EFEMP1: variants seen among roughly 807,000 people sequenced by gnomAD.
EFEMP1 encodes EGF-like fibulin extracellular matrix protein 1, also known as EGF-containing fibulin-like extracellular matrix protein 1.
In EFEMP1, 18 loss-of-function variants were observed where a neutral mutation model predicts 65.7. That is an observed-to-expected ratio of 0.27 (90% confidence interval 0.19 to 0.41). The LOEUF is 0.41. EFEMP1 is among the 10% of genes least tolerant of loss of function. EFEMP1 has a pLI of 1.00. For missense variants in EFEMP1, 469 were observed against 624.8 expected, an observed-to-expected ratio of 0.75 and a Z score of 2.66; for synonymous variants, 237 against 219.7, an observed-to-expected ratio of 1.08 and a Z score of -0.70.
rs1319362387 is a variant in EFEMP1 at position 55,917,623 on chromosome 2, G to A, written c.517+42C>T. The A allele has an allele frequency of 6.2e-7, 1 of 1,613,600 alleles. No individual in the cohort carries two copies. Among genetic ancestry groups the A allele is most frequent in the Non-Finnish European group, 8.5e-7 (1 of 1,179,680 alleles). ...ATCATCCTCACCACGAGGTGCACTT[G>A]GGCAAAAGCTTTCAATGGTTAGGAA... On this transcript the variant is annotated intron_variant, in intron 5 of 11. Coordinates refer to ENST00000355426, the MANE Select transcript of EFEMP1 (RefSeq NM_001039348.3). The surrounding 1 kb of genome is among the most constrained non-coding windows in gnomAD (Gnocchi z 6.3).
chr2:55,867,218 C>G lies in EFEMP1; in HGVS notation c.1337G>C (p.Ser446Thr). ...TGACTTCACGAGCACAAGCATTGCA[C>G]TTACAGGACTTGTTTGCTAAAATAA... ...EFYLRQTSPV[S>T]AMLVLVKSLS... Residue 446 changes from serine to threonine, a missense_variant, in exon 12 of 12, where the codon AGT becomes ACT. Transcript: ENST00000355426. The surrounding 1 kb of genome is among the most constrained non-coding windows in gnomAD (Gnocchi z 4.3). 2 of 1,613,858 alleles carry G rather than the reference C, an allele frequency of 1.2e-6. No individual in the cohort carries two copies.
chr2:55,874,729 A>T (rs1268358023), intron 9 of EFEMP1, among the ~76,000 whole-genome samples: 1 of 152,028 alleles, frequency 6.6e-6, no homozygotes, highest in Non-Finnish European at 1.5e-5. Context: ...TATTTTATTA[A>T]AATTATTTAT....
chr2:55,923,108 C>T lies in EFEMP1; in HGVS notation c.-48-169G>A, dbSNP rs1463854544. ...ACAAACTCTCAAAGTGGCATTTCCA[C>T]GCCTTTCTCTGCGCACAGCTTTGTT... is the stretch of plus-strand genomic sequence containing the variant. On this transcript the variant is annotated intron_variant, in intron 1 of 11. Coordinates refer to ENST00000355426, the MANE Select transcript of EFEMP1 (RefSeq NM_001039348.3). The surrounding 1 kb of genome is among the most constrained non-coding windows in gnomAD (Gnocchi z 5.3). 1.3e-5 allele frequency among the ~76,000 whole-genome samples: 2 copies of T among 152,240 alleles called. No individual in the cohort carries two copies. Among genetic ancestry groups the T allele is most frequent in the Admixed American group, 6.5e-5 (1 of 15,284 alleles).
intron 5 of EFEMP1, among the ~76,000 whole-genome samples, chr2:55,882,482 T>TA (rs1669275855): frequency 2.6e-5 from 4 of 152,142 alleles, no homozygotes; most frequent in Admixed American, 2.6e-4. Context: ...TCTAGAAAAG[T>TA]AAAAAATGCT....
At chr2:55,911,500 A>G (rs1670481534) in intron 5 of EFEMP1, among the ~76,000 whole-genome samples, 1 of 151,956 alleles carries the variant, frequency 6.6e-6, no homozygotes, top group Non-Finnish European at 1.5e-5. Context: ...TTATATTGTT[A>G]TAACAATATA....
chr2:55,875,961 C>T (rs958920087), intron 8 of EFEMP1, among the ~76,000 whole-genome samples: 9 of 151,884 alleles, frequency 5.9e-5, no homozygotes, highest in East Asian at 3.9e-4. Flanking sequence ...CTGAGTGAAC[C>T]GTGAGGAGGT....
rs945932031 is a variant in EFEMP1, at chr2:55,922,417, A to T, written c.24T>A (p.Thr8=). 1.2e-6 allele frequency: 2 copies of T among 1,613,900 alleles called. No individual in the cohort carries two copies. Among genetic ancestry groups the T allele is most frequent in the Admixed American group, 3.3e-5 (2 of 60,014 alleles). ...ACTTGACCAGCGCCAGAGTCAGCAT[A>T]GTTAGGAAAAGGGCTTTCAACATTG... MLKALFL[T]MLTLALVKSQ... Residue 8 remains threonine (T), a synonymous_variant, in exon 3 of 12, where the codon ACT becomes ACA. Coordinates refer to ENST00000355426, the MANE Select transcript of EFEMP1 (RefSeq NM_001039348.3). The surrounding 1 kb of genome is among the most constrained non-coding windows in gnomAD (Gnocchi z 5.5).
chr2:55,892,156 C>G (rs565012108), intron 5 of EFEMP1, among the ~76,000 whole-genome samples: 1 of 152,198 alleles, frequency 6.6e-6, no homozygotes, highest in East Asian at 1.9e-4. Context: ...CTTCTCAAAG[C>G]TAGCATATAA....
intron 5 of EFEMP1, among the ~76,000 whole-genome samples, chr2:55,907,633 C>A (rs1013415161): frequency 2.0e-5 from 3 of 152,146 alleles, no homozygotes; most frequent in Non-Finnish European, 4.4e-5. Context: ...GGCTTTGCTG[C>A]AAAATATTTC....
chr2:55,893,174 G>C (rs1392229110), intron 5 of EFEMP1, among the ~76,000 whole-genome samples: 1 of 152,062 alleles, frequency 6.6e-6, no homozygotes, highest in African/African-American at 2.4e-5. Flanking sequence ...CAGAATTAGA[G>C]GAATCATACT....
chr2:55,876,795 C>CAT (rs1027805547), intron 7 of EFEMP1, 53 bp from the exon 8 acceptor site: 81 of 1,078,350 alleles, frequency 7.5e-5, no homozygotes, highest in Admixed American at 1.2e-4. Flanking sequence ...TATACACACA[C>CAT]ATATATATAT....
Position 55,917,232 on chromosome 2 carries a change from C to T in EFEMP1, c.517+433G>A, listed in dbSNP as rs369291791. ...TTTTGCCAGCTGTGACTTTGGCACC[C>T]GCCTTCCTGGGTTGGAAGGTCAGCT... On this transcript the variant is annotated intron_variant, in intron 5 of 11. Coordinates refer to ENST00000355426, the MANE Select transcript of EFEMP1 (RefSeq NM_001039348.3). The surrounding 1 kb of genome is among the most constrained non-coding windows in gnomAD (Gnocchi z 6.3). 1.8e-4 allele frequency among the ~76,000 whole-genome samples: 28 copies of T among 152,208 alleles called. No homozygotes were observed. Among genetic ancestry groups the T allele is most frequent in the African/African-American group, 5.8e-4 (24 of 41,530 alleles).
In EFEMP1 at chr2:55,886,176, C is replaced by G. The variant is rs1207360180; in HGVS notation, c.518-4442G>C. Among the ~76,000 whole-genome samples, 1 of 152,210 alleles carries G rather than the reference C, an allele frequency of 6.6e-6. No individual in the cohort carries two copies. Among genetic ancestry groups the G allele is most frequent in the Non-Finnish European group, 1.5e-5 (1 of 68,030 alleles). ...GACTGAAATTATTTTGAATCTGTCA[C>G]TCCCTGTGTGATCTAGGGTCATGGT... On this transcript the variant is annotated intron_variant, in intron 5 of 11. Transcript: ENST00000355426. The surrounding 1 kb of genome is among the most constrained non-coding windows in gnomAD (Gnocchi z 4.0).
chr2:55,878,080 A>C (rs1572794072), intron 6 of EFEMP1, among the ~76,000 whole-genome samples: 1 of 152,320 alleles, frequency 6.6e-6, no homozygotes, highest in Non-Finnish European at 1.5e-5. Flanking sequence ...TTCAGTGGTA[A>C]ATAAACTTGG....
intron 5 of EFEMP1, among the ~76,000 whole-genome samples, chr2:55,901,407 A>G (rs1670026553): frequency 6.6e-6 from 1 of 152,172 alleles, no homozygotes; most frequent in Admixed American, 6.5e-5. Context: ...ATCATTTATG[A>G]GTGTTTTTGA....
rs1668794818 is a variant in EFEMP1 at position 55,871,169 on chromosome 2, C to T, written c.1001-46G>A. 6.2e-7 allele frequency: 1 copy of T among 1,611,522 alleles called. No individual in the cohort carries two copies. The highest frequency in any genetic ancestry group is 8.5e-7 in the Non-Finnish European group (1 of 1,178,914). ...AGAGTTTACTAACTAAACTAATGAA[C>T]TGATCTAATTAAATCATATAACTGG... On this transcript the variant is annotated intron_variant, in intron 9 of 11. Coordinates refer to ENST00000355426, the MANE Select transcript of EFEMP1 (RefSeq NM_001039348.3). The surrounding 1 kb of genome is among the most constrained non-coding windows in gnomAD (Gnocchi z 4.2).
Position 55,871,596 on chromosome 2 carries a change from C to T in EFEMP1, c.1001-473G>A, listed in dbSNP as rs140992799. On this transcript the variant is annotated intron_variant, in intron 9 of 11. Coordinates refer to ENST00000355426, the MANE Select transcript of EFEMP1 (RefSeq NM_001039348.3). The surrounding 1 kb of genome is among the most constrained non-coding windows in gnomAD (Gnocchi z 4.2). ...CTGAAGGAAGGAAGAGGCATCTCAA[C>T]GTGGCCTTGAAGGGTGGTGGTTAGA... is the stretch of plus-strand genomic sequence containing the variant. Among the ~76,000 whole-genome samples the T allele has an allele frequency of 5.3e-5, 8 of 152,090 alleles. No individual in the cohort carries two copies. Among genetic ancestry groups the T allele is most frequent in the South Asian group, 4.2e-4 (2 of 4,818 alleles).
chr2:55,918,561 A>G (rs763096223), intron 3 of EFEMP1, among the ~76,000 whole-genome samples: 7 of 151,648 alleles, frequency 4.6e-5, no homozygotes, highest in South Asian at 2.1e-4. Flanking sequence ...ATCTTCTCCA[A>G]CTTCTCTGAC....
Position 55,870,647 on chromosome 2 carries a change from A to G in EFEMP1, c.1320+73T>C. 2 of 1,518,436 alleles carry G rather than the reference A, an allele frequency of 1.3e-6. No individual in the cohort carries two copies. Among genetic ancestry groups the G allele is most frequent in the South Asian group, 2.3e-5 (2 of 85,626 alleles). The allele number at this position is 1,518,436 out of a possible 1,614,324, so 94.1% of individuals were successfully genotyped here. A position where few individuals can be genotyped will look rare whatever the true frequency, so the allele number is the denominator to read the frequency against. On this transcript the variant is annotated intron_variant, in intron 11 of 11. Transcript: ENST00000355426. This position sits in a 1 kb window ranked among gnomAD's most constrained non-coding sequence, Gnocchi z 5.8. ...TCCTTCCACATGTGGATACCACACA[A>G]CAACAACAACAACAACAACAACAAC...
Sources: allele counts gnomAD v4.1 joint callset (sites outside exome capture counted in the v4.1 genomes callset), GRCh38; gene constraint gnomAD v4.1.1; non-coding constraint Gnocchi (gnomAD v3.1); transcripts MANE v1.5; gene names NCBI Gene and HGNC (gene_info 2026-07-23, HGNC 2026-07-21).